The following CPXM2 variants were observed in gnomAD, a reference collection of about 807,000 sequenced individuals.
CPXM2 encodes inactive carboxypeptidase-like protein X2.
Under a neutral mutation model 86.1 loss-of-function variants are expected in CPXM2, and 66 were observed. The ratio of observed to expected loss-of-function variants is 0.77; its 90% CI spans 0.63 to 0.94. The LOEUF (loss-of-function observed/expected upper bound fraction) is 0.94, where lower values mean the gene tolerates loss of function less well. Among genes scored for constraint, CPXM2 ranks in the 40% least tolerant of loss-of-function variants. The pLI is 0.00. For missense variants in CPXM2, 948 were observed against 1,026.3 expected (o/e 0.92, Z 1.04); for synonymous variants, 388 against 400.2 (o/e 0.97, Z 0.36).
intron 2 of CPXM2, among the ~76,000 whole-genome samples, chr10:123,902,275 C>T (rs1202345939): frequency 6.6e-6 from 1 of 152,198 alleles, no homozygotes; most frequent in East Asian, 1.9e-4. Context: ...CTGAGCGCCT[C>T]CCATTCTGAC....
At chr10:123,861,982 C>T (rs1848858202) in intron 3 of CPXM2, among the ~76,000 whole-genome samples, 2 of 152,198 alleles carry the variant, frequency 1.3e-5, no homozygotes. Context: ...TCAAGAATTG[C>T]ACGGCGTGTA....
In CPXM2 at chr10:123,779,767, C is replaced by T. The variant is rs186937921; in HGVS notation, c.978+400G>A. On this transcript the variant is annotated intron_variant, in intron 7 of 13. Coordinates refer to ENST00000241305, the MANE Select transcript of CPXM2 (RefSeq NM_198148.3). ...TTCTAGAGTTATTAGGAGGACTGAACGTGATCATGTATGTAAGTTGATCCT... is the reference window on the plus strand; with the variant it reads ...TTCTAGAGTTATTAGGAGGACTGAATGTGATCATGTATGTAAGTTGATCCT... 4.7e-3 allele frequency among the ~76,000 whole-genome samples: 716 copies of T among 152,208 alleles called. 9 individuals are homozygous for T. Among genetic ancestry groups the T allele is most frequent in the African/African-American group, 0.016 (678 of 41,526 alleles).
rs564625302 is a variant in CPXM2 at position 123,872,570 on chromosome 10, C to G, written c.403+7641G>C. 3.3e-5 allele frequency among the ~76,000 whole-genome samples: 5 copies of G among 152,196 alleles called. No individual in the cohort carries two copies. In the East Asian group the frequency reaches 9.7e-4, roughly 29 times the overall value. ...GAGGCCTGAAGTTGAGACCTCAGAA[C>G]GAAAATATTTAAAAGACAAAAGGCT... On this transcript the variant is annotated intron_variant, in intron 2 of 13. Transcript: ENST00000241305.
chr10:123,907,742 A>G (rs1945455512), intron 2 of CPXM2, among the ~76,000 whole-genome samples: 2 of 151,908 alleles, frequency 1.3e-5, no homozygotes, highest in Admixed American at 6.6e-5. Flanking sequence ...CTTGGTGCCA[A>G]GAAAGGGACT....
chr10:123,767,700 CAACAT>C (rs1197641080), intron 9 of CPXM2, among the ~76,000 whole-genome samples: 7 of 152,200 alleles, frequency 4.6e-5, no homozygotes, highest in South Asian at 4.1e-4. Context: ...ATACACAACA[CAACAT>C]AATACTAACT....
intron 2 of CPXM2, among the ~76,000 whole-genome samples, chr10:123,911,099 C>T (rs1304209611): frequency 6.6e-6 from 1 of 152,228 alleles, no homozygotes; most frequent in Non-Finnish European, 1.5e-5. Context: ...CCTGCAAAGA[C>T]CCTATTTCCA....
chr10:123,852,741 T>A (rs1848630398), intron 3 of CPXM2, among the ~76,000 whole-genome samples: 1 of 152,068 alleles, frequency 6.6e-6, no homozygotes, highest in African/African-American at 2.4e-5. Context: ...ATACCTGACC[T>A]TTGCTCAAGC....
At chr10:123,808,213 A>C (rs766065185) in intron 4 of CPXM2, among the ~76,000 whole-genome samples, 1 of 152,174 alleles carries the variant, frequency 6.6e-6, no homozygotes, top group Non-Finnish European at 1.5e-5. Context: ...AAAACAAAGA[A>C]TACCTATCAT....
At chr10:123,848,471 G>A (rs961541637) in intron 3 of CPXM2, among the ~76,000 whole-genome samples, 4 of 151,722 alleles carry the variant, frequency 2.6e-5, no homozygotes, top group Admixed American at 6.6e-5. Context: ...AAACATCCAC[G>A]GTTTAAAATT....
chr10:123,908,278 TG>T (rs1439926783), intron 2 of CPXM2, among the ~76,000 whole-genome samples: 13 of 152,146 alleles, frequency 8.5e-5, no homozygotes, highest in Non-Finnish European at 1.5e-5. Flanking sequence ...AGGGGACTTC[TG>T]CTGGAGAAAG....
chr10:123,867,815 G>A (rs28366444), intron 2 of CPXM2, among the ~76,000 whole-genome samples: 57,928 of 152,036 alleles, frequency 0.38, 11,838 homozygotes, highest in African/African-American at 0.5. Context: ...TTACAGGCAT[G>A]AGCCACTGCG....
intron 2 of CPXM2, among the ~76,000 whole-genome samples, chr10:123,911,068 C>T (rs1262761968): frequency 6.6e-6 from 1 of 152,220 alleles, no homozygotes; most frequent in Admixed American, 6.5e-5. Flanking sequence ...ATCCCAAGGA[C>T]CTCATCTTAT....
intron 7 of CPXM2, among the ~76,000 whole-genome samples, chr10:123,771,495 C>T (rs946926679): frequency 1.3e-5 from 2 of 152,184 alleles, no homozygotes; most frequent in South Asian, 2.1e-4. Flanking sequence ...GGATGCAGCA[C>T]GATGACGGCC....
At chr10:123,928,885 T>C (rs1333463894) in intron 2 of CPXM2, among the ~76,000 whole-genome samples, 1 of 151,692 alleles carries the variant, frequency 6.6e-6, no homozygotes, top group Non-Finnish European at 1.5e-5. Context: ...CGTTGAAAAA[T>C]ATACTTGGTT....
At chr10:123,761,459 C>A (rs1175396523) in intron 11 of CPXM2, among the ~76,000 whole-genome samples, 1 of 152,200 alleles carries the variant, frequency 6.6e-6, no homozygotes, top group Non-Finnish European at 1.5e-5. Flanking sequence ...AGCGCCAGCA[C>A]CAGCATGCTC....
chr10:123,916,992 G>A (rs2134275384), intron 2 of CPXM2, among the ~76,000 whole-genome samples: 1 of 152,118 alleles, frequency 6.6e-6, no homozygotes, highest in East Asian at 1.9e-4. Context: ...TGAGTAGGGA[G>A]TGAGAATGAC....
At chr10:123,860,482 G>A (rs748341443) in intron 3 of CPXM2, among the ~76,000 whole-genome samples, 5 of 152,200 alleles carry the variant, frequency 3.3e-5, no homozygotes, top group South Asian at 2.1e-4. Context: ...AAAACACCAC[G>A]CTCCCCCGAC....
At position 123,766,419 on chromosome 10, in the gene CPXM2, A is replaced by G. The variant is rs534729341; in HGVS notation, c.1479+554T>C. On this transcript the variant is annotated intron_variant, in intron 10 of 13. Transcript: ENST00000241305. ...GAACTCTTGAAGGGTGTTTAAGATC[A>G]AAGAATCAGAGTAAGGAGCTCAACT... is the stretch of plus-strand genomic sequence containing the variant. Among the ~76,000 whole-genome samples the G allele has an allele frequency of 1.4e-4, 21 of 152,370 alleles. 1 individual carries two copies. In the South Asian group the frequency reaches 4.4e-3, roughly 32 times the overall value.
intron 2 of CPXM2, among the ~76,000 whole-genome samples, chr10:123,928,628 C>T (rs1463488741): frequency 6.6e-6 from 1 of 152,210 alleles, no homozygotes; most frequent in Non-Finnish European, 1.5e-5. Flanking sequence ...AAGCTAGCCA[C>T]CATGCTGTGA....
Sources: allele counts gnomAD v4.1 joint callset (sites outside exome capture counted in the v4.1 genomes callset), GRCh38; gene constraint gnomAD v4.1.1; transcripts MANE v1.5; gene names NCBI Gene and HGNC (gene_info 2026-07-23, HGNC 2026-07-21).